NDUFA10: variants seen among roughly 807,000 people sequenced by gnomAD.
NDUFA10 encodes the protein NADH:ubiquinone oxidoreductase subunit A10.
NDUFA10 carries 40 observed loss-of-function variants against 47.8 expected under a neutral mutation model. The observed-to-expected ratio is 0.84, with a 90% CI of 0.65 to 1.09. The LOEUF (loss-of-function observed/expected upper bound fraction) is 1.09. NDUFA10 is among the 50% of genes least tolerant of loss of function. The probability of loss-of-function intolerance (pLI) is 0.00; values close to 1 mark genes in which losing one functional copy is unlikely to be tolerated. For synonymous variants in NDUFA10, 183 were observed against 172.2 expected (o/e 1.06, Z -0.49); for missense variants, 413 against 451.1 (o/e 0.92, Z 0.76).
At chr2:239,936,664 A>T (rs1169598478) in intron 4 of NDUFA10, among the ~76,000 whole-genome samples, 3 of 152,198 alleles carry the variant, frequency 2.0e-5, no homozygotes. Context: ...TAAAAAAGTA[A>T]GTCTTGGCCA....
At chr2:240,008,577 T>C (rs1697028372) in intron 6 of NDUFA10, among the ~76,000 whole-genome samples, 1 of 152,214 alleles carries the variant, frequency 6.6e-6, no homozygotes. Flanking sequence ...ACATCCCTGA[T>C]GAACAGGGCT....
chr2:239,945,231 C>G lies in NDUFA10; in HGVS notation c.294+44843G>C, dbSNP rs774744995. ...TCACCGGCAGGCGTTGAGCAGGCCG[C>G]TCTGCAGACGCTGGGCTCCTTCATT... On this transcript the variant is annotated intron_variant, in intron 4 of 5. Coordinates refer to the NDUFA10 transcript ENST00000419408. The surrounding 1 kb of genome is among the most constrained non-coding windows in gnomAD (Gnocchi z 4.6). 3.3e-5 allele frequency among the ~76,000 whole-genome samples: 5 copies of G among 152,224 alleles called. No homozygotes were observed. Among genetic ancestry groups the G allele is most frequent in the Non-Finnish European group, 5.9e-5 (4 of 68,044 alleles).
At chr2:239,951,332 TAC>T (rs1387741265) in intron 4 of NDUFA10, among the ~76,000 whole-genome samples, 1 of 152,178 alleles carries the variant, frequency 6.6e-6, no homozygotes, top group African/African-American at 2.4e-5. Context: ...ACCCGTGGGT[TAC>T]AGAGGACAGC....
downstream of NDUFA10, among the ~76,000 whole-genome samples, chr2:239,953,793 A>G (rs1694602895): frequency 2.0e-5 from 3 of 152,370 alleles, no homozygotes; most frequent in South Asian, 6.2e-4. Flanking sequence ...ATGTGGAGAC[A>G]GCACAGCCAA....
downstream of NDUFA10, among the ~76,000 whole-genome samples, chr2:239,952,867 C>T (rs185574556): frequency 8.5e-5 from 13 of 152,344 alleles, no homozygotes; most frequent in South Asian, 4.1e-4. Context: ...CAGCTGCCGA[C>T]GCCAGCCCCG....
chr2:239,900,315 C>CATATATATATATATAT (rs142452963), intron 4 of NDUFA10, among the ~76,000 whole-genome samples: 2 of 142,638 alleles, frequency 1.4e-5, no homozygotes, highest in African/African-American at 5.3e-5. Context: ...AACTCCCCTT[C>CATATATATATATATAT]ATATATATAT....
chr2:239,947,106 G>C (rs148995316), intron 4 of NDUFA10, among the ~76,000 whole-genome samples: 1 of 152,314 alleles, frequency 6.6e-6, no homozygotes, highest in Non-Finnish European at 1.5e-5. Flanking sequence ...TAAGGAGCTG[G>C]GATCCAGGCT....
intron 4 of NDUFA10, among the ~76,000 whole-genome samples, chr2:239,910,108 C>G (rs1213722059): frequency 6.6e-6 from 1 of 152,176 alleles, no homozygotes; most frequent in East Asian, 1.9e-4. Flanking sequence ...TGCTTTGACA[C>G]TGTTGGTGGG....
Position 239,984,942 on chromosome 2 carries a change from G to A in NDUFA10, c.999+5132C>T, listed in dbSNP as rs140395078. Among the ~76,000 whole-genome samples, 1,143 of 152,290 alleles carry A rather than the reference G, an allele frequency of 7.5e-3. 21 individuals are homozygous for A. Among genetic ancestry groups the A allele is most frequent in the African/African-American group, 0.026 (1,068 of 41,548 alleles). ...TGGCAAAAATGGCCTCTCAGTAAGC[G>A]CAAGCTAGAAACACTCCAGACCTCA... On this transcript the variant is annotated intron_variant, in intron 9 of 9. Coordinates refer to ENST00000252711, the MANE Select transcript of NDUFA10 (RefSeq NM_004544.4).
At chr2:239,981,763 A>C (rs999632631) in intron 9 of NDUFA10, among the ~76,000 whole-genome samples, 6 of 152,236 alleles carry the variant, frequency 3.9e-5, no homozygotes, top group African/African-American at 1.4e-4. Flanking sequence ...ACAGAAGCAC[A>C]GTGCAAGTAT....
rs1361484900 is a variant in NDUFA10, at chr2:239,987,515, C to T, written c.999+2559G>A. 4.6e-5 allele frequency among the ~76,000 whole-genome samples: 7 copies of T among 151,570 alleles called. No homozygotes were observed. Among genetic ancestry groups the T allele is most frequent in the Non-Finnish European group, 8.8e-5 (6 of 67,960 alleles). ...AACAGACCATCATGTTAATAACTTA[C>T]CTTAAATGGTTCAGGAAAAGTTATT... On this transcript the variant is annotated intron_variant, in intron 9 of 9. Coordinates refer to ENST00000252711, the MANE Select transcript of NDUFA10 (RefSeq NM_004544.4). This position sits in a 1 kb window ranked among gnomAD's most constrained non-coding sequence, Gnocchi z 4.8.
At chr2:239,942,155 C>T (rs1694370034) in intron 4 of NDUFA10, among the ~76,000 whole-genome samples, 1 of 152,246 alleles carries the variant, frequency 6.6e-6, no homozygotes, top group African/African-American at 2.4e-5. Context: ...TTTACATATA[C>T]AAAGTTCACA....
rs921057223 is a variant in NDUFA10, at chr2:239,957,928, A to T, written c.*3190T>A. The T allele has an allele frequency of 2.6e-5, 4 of 152,250 alleles. No individual in the cohort carries two copies. Among genetic ancestry groups the T allele is most frequent in the Non-Finnish European group, 4.4e-5 (3 of 68,052 alleles). The allele number at this position is 152,250 out of a possible 1,614,324, so 9.4% of individuals were successfully genotyped here. A position where few individuals can be genotyped will look rare whatever the true frequency, so the allele number is the denominator to read the frequency against. On this transcript the variant is annotated 3_prime_UTR_variant, in exon 10 of 10. Transcript: ENST00000252711. ...GAGTCACACACGTGTTGCTGTTATA[A>T]GGTCCTTTGCTTTGACAATTCGAGA...
intron 4 of NDUFA10, among the ~76,000 whole-genome samples, chr2:239,905,193 G>A (rs1488532790): frequency 6.6e-6 from 1 of 152,174 alleles, no homozygotes; most frequent in Non-Finnish European, 1.5e-5. Flanking sequence ...GCCTGTTGGG[G>A]TCCTGTGTAC....
At chr2:239,985,379 G>A (rs1240178002) in intron 9 of NDUFA10, among the ~76,000 whole-genome samples, 1 of 150,884 alleles carries the variant, frequency 6.6e-6, no homozygotes, top group Non-Finnish European at 1.5e-5. Context: ...TCAAATATAA[G>A]AAATACAGGT....
At chr2:239,921,382 G>T (rs533380444) in intron 4 of NDUFA10, among the ~76,000 whole-genome samples, 1 of 139,742 alleles carries the variant, frequency 7.2e-6, no homozygotes, top group African/African-American at 3.1e-5. Context: ...AGGAACCCAA[G>T]CAGGTTGCAG....
rs187872447 is a variant in NDUFA10, at chr2:239,905,277, C to T, written c.295-9963G>A. ...CTTCCTTGGCCACCACATGGAAGGA[C>T]AACCCTTTGAGTCTCACAGAGGACA... On this transcript the variant is annotated intron_variant, in intron 4 of 5. Transcript: ENST00000419408. 3.1e-3 allele frequency among the ~76,000 whole-genome samples: 466 copies of T among 152,348 alleles called. 3 individuals are homozygous for T. The highest frequency in any genetic ancestry group is 0.018 in the East Asian group (95 of 5,176).
At chr2:239,907,124 T>A (rs1253195386) in intron 4 of NDUFA10, among the ~76,000 whole-genome samples, 1 of 152,146 alleles carries the variant, frequency 6.6e-6, no homozygotes, top group Non-Finnish European at 1.5e-5. Context: ...AACCATCCGA[T>A]CTGTGACAAA....
chr2:239,984,239 A>C (rs955866967), intron 9 of NDUFA10, among the ~76,000 whole-genome samples: 2 of 152,064 alleles, frequency 1.3e-5, no homozygotes, highest in Admixed American at 1.3e-4. Flanking sequence ...TTTCCAAAAA[A>C]AAAAAACAAA....
Sources: allele counts gnomAD v4.1 joint callset (sites outside exome capture counted in the v4.1 genomes callset), GRCh38; gene constraint gnomAD v4.1.1; non-coding constraint Gnocchi (gnomAD v3.1); transcripts MANE v1.5; gene names NCBI Gene and HGNC (gene_info 2026-07-23, HGNC 2026-07-21).